MAGI1: variants seen among roughly 807,000 people sequenced by gnomAD.
The protein encoded by MAGI1 is membrane-associated guanylate kinase, WW and PDZ domain-containing protein 1.
Under a neutral mutation model 139.9 loss-of-function variants are expected in MAGI1, and 58 were observed. The ratio of observed to expected loss-of-function variants is 0.41; its 90% confidence interval spans 0.34 to 0.52. The LOEUF is 0.52. MAGI1 is among the 20% of genes least tolerant of loss of function. MAGI1 has a pLI of 0.12. For synonymous variants in MAGI1, 812 were observed against 737.9 expected (o/e 1.10, Z -1.63); for missense variants, 1,874 against 1,901.6 (o/e 0.99, Z 0.27).
At chr3:65,942,969 C>T (rs1163721276) in intron 1 of MAGI1, among the ~76,000 whole-genome samples, 2 of 151,976 alleles carry the variant, frequency 1.3e-5, no homozygotes, top group East Asian at 1.9e-4. Context: ...TGCAGTGAGC[C>T]GAGATCATGC....
Position 65,356,744 on chromosome 3 carries a change from C to T in MAGI1, c.4023G>A (p.Glu1341=), listed in dbSNP as rs201918063. The change falls in exon 23 of 23, where the codon GAG becomes GAA. Residue 1341 remains glutamate (E), a synonymous_variant. Coordinates refer to ENST00000402939, the MANE Select transcript of MAGI1 (RefSeq NM_001033057.2). ...RSADNTLERR[E]KHEKRRDVSP... is the part of the protein sequence containing the mutation. ...AGACGTCTCGTCTCTTCTCGTGCTT[C>T]TCCCTCCTCTCCAAAGTGTTGTCGG... 73 of 1,598,096 alleles carry T rather than the reference C, an allele frequency of 4.6e-5. No individual in the cohort carries two copies. The Admixed American group carries it at 9.8e-4, about 21-fold the overall frequency.
At chr3:65,543,036 A>T (rs2079316612) in intron 2 of MAGI1, among the ~76,000 whole-genome samples, 1 of 152,148 alleles carries the variant, frequency 6.6e-6, no homozygotes, top group Non-Finnish European at 1.5e-5. Context: ...ATCTACAAGG[A>T]ACTTAAACAA....
At chr3:65,843,360 G>A (rs1207710829) in intron 1 of MAGI1, among the ~76,000 whole-genome samples, 1 of 152,180 alleles carries the variant, frequency 6.6e-6, no homozygotes, top group African/African-American at 2.4e-5. Flanking sequence ...AGATGAGACT[G>A]CAGCCCAACT....
At chr3:65,886,131 T>C (rs2060522375) in intron 1 of MAGI1, among the ~76,000 whole-genome samples, 2 of 152,236 alleles carry the variant, frequency 1.3e-5, no homozygotes, top group South Asian at 4.1e-4. Context: ...TTTCATTCCA[T>C]TGAGAAATAG....
intron 1 of MAGI1, among the ~76,000 whole-genome samples, chr3:65,654,165 G>T (rs1290813527): frequency 6.6e-6 from 1 of 152,076 alleles, no homozygotes; most frequent in Non-Finnish European, 1.5e-5. Flanking sequence ...CATGGCAAAG[G>T]TAACATTAAA....
chr3:65,885,396 T>C (rs1008486224), intron 1 of MAGI1, among the ~76,000 whole-genome samples: 1 of 142,672 alleles, frequency 7.0e-6, no homozygotes, highest in African/African-American at 2.7e-5. Context: ...AAACTCTGTC[T>C]CAAAAAAAAA....
chr3:65,641,074 A>G (rs2107238773), intron 1 of MAGI1, among the ~76,000 whole-genome samples: 1 of 152,050 alleles, frequency 6.6e-6, no homozygotes, highest in East Asian at 1.9e-4. Context: ...CCAAACCACA[A>G]TTGAGAATTT....
chr3:65,604,744 A>C (rs777794366), intron 2 of MAGI1, among the ~76,000 whole-genome samples: 8 of 152,224 alleles, frequency 5.3e-5, no homozygotes, highest in Non-Finnish European at 8.8e-5. Flanking sequence ...AAAAAAAAAA[A>C]AACTATTGAC....
At chr3:65,863,058 C>A (rs1464310040) in intron 1 of MAGI1, among the ~76,000 whole-genome samples, 1 of 152,200 alleles carries the variant, frequency 6.6e-6, no homozygotes, top group African/African-American at 2.4e-5. Flanking sequence ...CTAGTACTTT[C>A]CATAAGTACC....
chr3:65,448,697 TACACACACACACACACACAC>T (rs10591133), intron 6 of MAGI1, among the ~76,000 whole-genome samples: 1 of 149,724 alleles, frequency 6.7e-6, no homozygotes, highest in Non-Finnish European at 1.5e-5. Context: ...AGAAAACACA[TACACACACACACACACACAC>T]ACACACACAC....
Position 65,430,806 on chromosome 3 carries a change from C to T in MAGI1, c.1439G>A (p.Arg480His), listed in dbSNP as rs201982358. The T allele has an allele frequency of 5.0e-6, 8 of 1,613,500 alleles. No individual in the cohort carries two copies. The highest frequency in any genetic ancestry group is 1.6e-4 in the Middle Eastern group (1 of 6,078). ...TCCAACCACCGTGAAGCCAAAGCCA[C>T]GACTGCTTTTCCGCAGCTTTGTGTG... ...FIHTKLRKSS[R>H]GFGFTVVGGD... The change falls in exon 11 of 23, where the codon CGT (arginine) becomes CAT (histidine). Residue 480 changes from arginine (R) to histidine (H), a missense_variant. Arg to His is a conservative substitution (Grantham distance 29). Transcript: ENST00000402939.
chr3:65,636,045 G>A (rs983619250), intron 1 of MAGI1, among the ~76,000 whole-genome samples: 7 of 152,144 alleles, frequency 4.6e-5, no homozygotes, highest in South Asian at 4.1e-4. Context: ...TCTACACAGC[G>A]CCTCTCTTTA....
intron 2 of MAGI1, among the ~76,000 whole-genome samples, chr3:65,596,306 G>C (rs1004408685): frequency 1.3e-5 from 2 of 152,124 alleles, no homozygotes; most frequent in African/African-American, 2.4e-5. Context: ...TCATGCAAAA[G>C]CTTCCCGTTT....
chr3:65,476,578 T>G (rs1950903298), intron 4 of MAGI1, among the ~76,000 whole-genome samples: 1 of 152,186 alleles, frequency 6.6e-6, no homozygotes, highest in Admixed American at 6.5e-5. Flanking sequence ...CTTTGTTCCT[T>G]CTTTCTACCA....
intron 1 of MAGI1, among the ~76,000 whole-genome samples, chr3:65,869,691 C>T (rs755366174): frequency 3.3e-5 from 5 of 152,074 alleles, no homozygotes; most frequent in East Asian, 1.9e-4. Flanking sequence ...TGAGCCACCG[C>T]GCCCAGCCAA....
chr3:66,038,121 C>A lies in MAGI1; in HGVS notation c.188G>T (p.Arg63Met), dbSNP rs2069045566. 1 of 1,612,460 alleles carries A rather than the reference C, an allele frequency of 6.2e-7. No homozygotes were observed. The highest frequency in any genetic ancestry group is 1.1e-5 in the South Asian group (1 of 91,012). Reference protein sequence around the residue: ...AGLPGGGEGPRLGEGELLLEV... With the variant: ...AGLPGGGEGPMLGEGELLLEV... Reference sequence around the variant, plus strand: ...CAGAAGCAGCTCCCCTTCGCCCAGCCTCGGGCCCTCGCCGCCGCCGGGAAG... The same window carrying A: ...CAGAAGCAGCTCCCCTTCGCCCAGCATCGGGCCCTCGCCGCCGCCGGGAAG... The change falls in exon 1 of 23, where the codon AGG (arginine) becomes ATG (methionine). Residue 63 changes from arginine (R) to methionine (M), a missense_variant. Physicochemically the swap from Arg to Met is moderately conservative, Grantham distance 91. Around this residue, in one of 5 missense-constraint regions of MAGI1, gnomAD observed 648 missense variants for 598.1 expected, o/e 1.08. Transcript: ENST00000402939.
Position 66,002,449 on chromosome 3 carries a change from T to A in MAGI1, c.313+35547A>T, listed in dbSNP as rs1200654440. Among the ~76,000 whole-genome samples, 4 of 151,928 alleles carry A rather than the reference T, an allele frequency of 2.6e-5. No individual in the cohort carries two copies. The East Asian group carries it at 7.7e-4, about 29-fold the overall frequency. ...ATGGGGTGGGGGGTGGTGGTGAAGA[T>A]CTCTGTCTTTTCTGAAATGACTTGA... On this transcript the variant is annotated intron_variant, in intron 1 of 22. Transcript: ENST00000402939.
intron 1 of MAGI1, among the ~76,000 whole-genome samples, chr3:65,645,595 G>C (rs2085214335): frequency 6.6e-6 from 1 of 152,016 alleles, no homozygotes; most frequent in South Asian, 2.1e-4. Flanking sequence ...GACAAAAAGA[G>C]GGAAGAAAAA....
chr3:65,887,234 G>C lies in MAGI1; in HGVS notation c.313+150762C>G, dbSNP rs116749536. Among the ~76,000 whole-genome samples the C allele has an allele frequency of 6.2e-4, 94 of 152,130 alleles. 1 individual carries two copies. The highest frequency in any genetic ancestry group is 9.2e-4 in the Admixed American group (14 of 15,268). Reference sequence around the variant, plus strand: ...CTCTGGAGGATTAGAATTTTAGGTTGAGAACAGAAGGAGATAACAGGAAAA... The same window carrying C: ...CTCTGGAGGATTAGAATTTTAGGTTCAGAACAGAAGGAGATAACAGGAAAA... On this transcript the variant is annotated intron_variant, in intron 1 of 22. Transcript: ENST00000402939.
Sources: allele counts gnomAD v4.1 joint callset (sites outside exome capture counted in the v4.1 genomes callset), GRCh38; gene constraint gnomAD v4.1.1; regional missense constraint gnomAD v4.1.1; transcripts MANE v1.5; gene names NCBI Gene and HGNC (gene_info 2026-07-23, HGNC 2026-07-21).